The following TTC13 variants were observed in gnomAD, a reference collection of about 807,000 sequenced individuals.
TTC13 encodes the protein tetratricopeptide repeat protein 13.
A neutral mutation model predicts 120.0 loss-of-function variants in TTC13; 62 were observed. The observed-to-expected ratio is 0.52, with a 90% CI of 0.42 to 0.64. The LOEUF (loss-of-function observed/expected upper bound fraction) is 0.64. Among genes scored for constraint, TTC13 ranks in the 30% least tolerant of loss-of-function variants. TTC13 has a pLI of 0.00. For missense variants in TTC13, 824 were observed against 1,050.2 expected (o/e 0.78, Z 2.98); for synonymous variants, 384 against 393.5 (o/e 0.98, Z 0.28).
chr1:230,924,007 A>C, intron 14 of TTC13, 74 bp from the exon 15 acceptor site: 2 of 1,175,028 alleles, frequency 1.7e-6, no homozygotes, highest in African/African-American at 3.1e-5. Context: ...AAGTGTTTGC[A>C]AAGGTGGGGA....
intron 1 of TTC13, among the ~76,000 whole-genome samples, chr1:230,963,635 A>AAAATAAATAAATAAATAAAT (rs145205225): frequency 7.5e-4 from 109 of 146,188 alleles, no homozygotes; most frequent in African/African-American, 2.7e-3. Context: ...ACCCTGTCTC[A>AAAATAAATAAATAAATAAAT]AAATAAATAA....
chr1:230,963,561 G>C (rs1448028834), intron 1 of TTC13, among the ~76,000 whole-genome samples: 1 of 152,008 alleles, frequency 6.6e-6, no homozygotes, highest in East Asian at 1.9e-4. Flanking sequence ...CCTGAGTCCA[G>C]GAGGTGGAAG....
intron 1 of TTC13, among the ~76,000 whole-genome samples, chr1:230,977,723 G>A (rs1678472721): frequency 1.3e-5 from 2 of 152,204 alleles, no homozygotes; most frequent in African/African-American, 4.8e-5. Context: ...CTCACATAGA[G>A]AAGGGGGAAA....
chr1:230,967,343 T>C (rs1459087620), intron 1 of TTC13, among the ~76,000 whole-genome samples: 2 of 152,186 alleles, frequency 1.3e-5, no homozygotes, highest in African/African-American at 4.8e-5. Flanking sequence ...AGCTGCTCTG[T>C]GTCAGCTATG....
intron 18 of TTC13, among the ~76,000 whole-genome samples, chr1:230,914,877 G>A (rs1671867889): frequency 6.6e-6 from 1 of 152,134 alleles, no homozygotes; most frequent in African/African-American, 2.4e-5. Context: ...GCCTGCTGGG[G>A]TGGGAAGGTC....
chr1:230,957,339 C>A (rs577086093), intron 3 of TTC13, among the ~76,000 whole-genome samples: 2 of 152,162 alleles, frequency 1.3e-5, no homozygotes, highest in East Asian at 1.9e-4. Flanking sequence ...ACTCAGGAGT[C>A]CTAGGGAAGA....
At chr1:230,964,907 G>A (rs1379480379) in intron 1 of TTC13, among the ~76,000 whole-genome samples, 7 of 152,108 alleles carry the variant, frequency 4.6e-5, no homozygotes, top group Admixed American at 4.6e-4. Context: ...AATGGTGCTG[G>A]GAAAACTGAA....
intron 4 of TTC13, among the ~76,000 whole-genome samples, chr1:230,949,177 T>C (rs1223731570): frequency 6.6e-6 from 1 of 151,674 alleles, no homozygotes; most frequent in Non-Finnish European, 1.5e-5. Flanking sequence ...AAGACAAAGA[T>C]TTGCCTATCA....
Position 230,916,183 on chromosome 1 carries a change from G to A in TTC13, c.2093+10C>T. 3 of 1,589,068 alleles carry A rather than the reference G, an allele frequency of 1.9e-6. No individual in the cohort carries two copies. Among genetic ancestry groups the A allele is most frequent in the Non-Finnish European group, 2.6e-6 (3 of 1,157,266 alleles). ...CTCTAGTTTACACCCACATTAAGAA[G>A]CGCACATACTTGTCTCCTGTAATCG... On this transcript the variant is annotated intron_variant, in intron 18 of 22. Transcript: ENST00000366661.
Position 230,921,501 on chromosome 1 carries a change from A to T in TTC13, c.1818T>A (p.Gly606=), listed in dbSNP as rs2275333. The T allele has an allele frequency of 0.17, 247,469 of 1,480,444 alleles. 22,003 individuals are homozygous for T. The highest frequency in any genetic ancestry group is 0.34 in the East Asian group (13,809 of 40,750). The allele number at this position is 1,480,444 out of a possible 1,614,324, so 91.7% of individuals were successfully genotyped here. Residue 606 remains glycine (G), a synonymous_variant, in exon 16 of 23, where the codon GGT becomes GGA. Coordinates refer to ENST00000366661, the MANE Select transcript of TTC13 (RefSeq NM_024525.5). ...GFNNHINLIR[G]QVINMRYLEY... Reference sequence around the variant, plus strand: ...CTAGGTATCTCATGTTGATCACCTGACCCCTATAAGGCAAAAATAATAAAA... The same window carrying T: ...CTAGGTATCTCATGTTGATCACCTGTCCCCTATAAGGCAAAAATAATAAAA...
At chr1:230,934,442 G>A (rs1477471369) in intron 8 of TTC13, among the ~76,000 whole-genome samples, 1 of 152,198 alleles carries the variant, frequency 6.6e-6, no homozygotes, top group African/African-American at 2.4e-5. Context: ...TTTGGGGTTA[G>A]CTTCCATCGG....
At chr1:230,910,438 C>T (rs995596388) in intron 20 of TTC13, among the ~76,000 whole-genome samples, 6 of 152,130 alleles carry the variant, frequency 3.9e-5, no homozygotes, top group African/African-American at 1.2e-4. Context: ...GCTGGAGAGC[C>T]GCAGGGCACA....
chr1:230,912,088 G>C (rs1418003929), intron 19 of TTC13, among the ~76,000 whole-genome samples: 1 of 152,156 alleles, frequency 6.6e-6, no homozygotes, highest in Non-Finnish European at 1.5e-5. Flanking sequence ...GAAGGGGCGT[G>C]GTGGGGAGAG....
chr1:230,972,951 C>T (rs188836876), intron 1 of TTC13, among the ~76,000 whole-genome samples: 8 of 152,326 alleles, frequency 5.3e-5, no homozygotes, highest in Admixed American at 2.0e-4. Context: ...GGCAAGATCA[C>T]AATCTCTTCA....
Position 230,942,825 on chromosome 1 carries a change from T to C in TTC13, c.672+981A>G, listed in dbSNP as rs1203122088. Among the ~76,000 whole-genome samples the C allele has an allele frequency of 6.6e-6, 1 of 152,190 alleles. No individual in the cohort carries two copies. Among genetic ancestry groups the C allele is most frequent in the East Asian group, 1.9e-4 (1 of 5,190 alleles). On this transcript the variant is annotated intron_variant, in intron 6 of 22. Coordinates refer to ENST00000366661, the MANE Select transcript of TTC13 (RefSeq NM_024525.5). This position sits in a 1 kb window ranked among gnomAD's most constrained non-coding sequence, Gnocchi z 4.0. Reference sequence around the variant, plus strand: ...CCATGGGACTGGATCAGCTCTAGCCTCGCTTCCTCCGACAGCCTCAGCAAA... The same window carrying C: ...CCATGGGACTGGATCAGCTCTAGCCCCGCTTCCTCCGACAGCCTCAGCAAA...
chr1:230,937,466 G>A (rs567768103), intron 8 of TTC13, among the ~76,000 whole-genome samples: 1 of 152,324 alleles, frequency 6.6e-6, no homozygotes, highest in East Asian at 1.9e-4. Flanking sequence ...CAGAGAAGAT[G>A]AGAGGAACAG....
chr1:230,935,996 G>T (rs995417936), intron 8 of TTC13, among the ~76,000 whole-genome samples: 3 of 152,122 alleles, frequency 2.0e-5, no homozygotes, highest in African/African-American at 7.2e-5. Context: ...TTGGGTGGGT[G>T]GCAAGAACAT....
intron 18 of TTC13, among the ~76,000 whole-genome samples, chr1:230,914,457 T>C (rs573598887): frequency 6.6e-6 from 1 of 152,218 alleles, no homozygotes; most frequent in South Asian, 2.1e-4. Flanking sequence ...TGCAGTGGCA[T>C]GATCTCGGCT....
In TTC13 at chr1:230,942,092, T is replaced by C. The variant is rs1348622994; in HGVS notation, c.673-1536A>G. The stretch of plus-strand genomic sequence containing the variant: ...ATACATTTTTAAGACAATTAAAAAT[T>C]ATTTTTCTAATTACCAATGCCATTT... On this transcript the variant is annotated intron_variant, in intron 6 of 22. Coordinates refer to ENST00000366661, the MANE Select transcript of TTC13 (RefSeq NM_024525.5). The surrounding 1 kb of genome is among the most constrained non-coding windows in gnomAD (Gnocchi z 4.0). Among the ~76,000 whole-genome samples, 1 of 152,220 alleles carries C rather than the reference T, an allele frequency of 6.6e-6. No homozygotes were observed. Among genetic ancestry groups the C allele is most frequent in the African/African-American group, 2.4e-5 (1 of 41,450 alleles).
Sources: allele counts gnomAD v4.1 joint callset (sites outside exome capture counted in the v4.1 genomes callset), GRCh38; gene constraint gnomAD v4.1.1; non-coding constraint Gnocchi (gnomAD v3.1); transcripts MANE v1.5; gene names NCBI Gene and HGNC (gene_info 2026-07-23, HGNC 2026-07-21).